ARHGAP24: variants seen among roughly 807,000 people sequenced by gnomAD.
ARHGAP24 encodes the protein rho GTPase-activating protein 24.
A neutral mutation model predicts 76.4 loss-of-function variants in ARHGAP24; 50 were observed. That is an observed-to-expected ratio of 0.65 (90% CI 0.52 to 0.83). The LOEUF is 0.83. Among genes scored for constraint, ARHGAP24 ranks in the 40% least tolerant of loss-of-function variants. The probability of loss-of-function intolerance (pLI) is 0.00; values close to 1 mark genes in which losing one functional copy is unlikely to be tolerated. For synonymous variants in ARHGAP24, 345 were observed against 323.3 expected, an observed-to-expected ratio of 1.07 and a Z score of -0.72; for missense variants, 930 against 914.2, an observed-to-expected ratio of 1.02 and a Z score of -0.22.
At chr4:85,559,900 G>A (rs1051806354) in intron 1 of ARHGAP24, among the ~76,000 whole-genome samples, 2 of 152,090 alleles carry the variant, frequency 1.3e-5, no homozygotes, top group Non-Finnish European at 2.9e-5. Flanking sequence ...AAGCACTGGA[G>A]TTTCTATTTG....
At chr4:85,692,210 A>T (rs1373255587) in intron 2 of ARHGAP24, among the ~76,000 whole-genome samples, 1 of 152,182 alleles carries the variant, frequency 6.6e-6, no homozygotes, top group African/African-American at 2.4e-5. Context: ...CTAGCCTGAC[A>T]GGGTTCCCTC....
chr4:85,916,066 A>C (rs953400312), intron 3 of ARHGAP24, among the ~76,000 whole-genome samples: 1 of 152,098 alleles, frequency 6.6e-6, no homozygotes, highest in African/African-American at 2.4e-5. Flanking sequence ...ATTTCTCTAC[A>C]TCCTCTCTAG....
At chr4:85,861,002 A>ACG (rs1731866785) in intron 3 of ARHGAP24, among the ~76,000 whole-genome samples, 1 of 122,732 alleles carries the variant, frequency 8.1e-6, no homozygotes, top group Non-Finnish European at 1.6e-5. Flanking sequence ...GCATGCACGC[A>ACG]CACACACACA....
chr4:85,960,965 A>G (rs1738208685), intron 5 of ARHGAP24, among the ~76,000 whole-genome samples: 1 of 152,172 alleles, frequency 6.6e-6, no homozygotes, highest in African/African-American at 2.4e-5. Context: ...TAACAAAGCA[A>G]TAATAACAAG....
At chr4:85,500,244 T>C (rs1048185945) in intron 1 of ARHGAP24, among the ~76,000 whole-genome samples, 4 of 152,234 alleles carry the variant, frequency 2.6e-5, no homozygotes, top group Non-Finnish European at 5.9e-5. Flanking sequence ...TTCTATTATA[T>C]TCCTATGGGA....
intron 3 of ARHGAP24, among the ~76,000 whole-genome samples, chr4:85,920,021 G>A (rs777267046): frequency 1.3e-5 from 2 of 152,138 alleles, no homozygotes; most frequent in Non-Finnish European, 2.9e-5. Context: ...ATGTTTACAT[G>A]TGCGGTATGT....
intron 3 of ARHGAP24, 73 bp from the exon 4 acceptor site, chr4:85,923,575 G>T: frequency 6.2e-7 from 1 of 1,601,126 alleles, no homozygotes. Context: ...TCTGTTTCAG[G>T]GGTTCTTCTG....
chr4:85,614,258 T>A (rs550614391), intron 2 of ARHGAP24, among the ~76,000 whole-genome samples: 1 of 152,290 alleles, frequency 6.6e-6, no homozygotes, highest in East Asian at 1.9e-4. Flanking sequence ...TGGCATCTGA[T>A]CTCTACCATT....
intron 2 of ARHGAP24, among the ~76,000 whole-genome samples, chr4:85,685,135 T>G (rs1168727721): frequency 7.2e-5 from 11 of 152,238 alleles, no homozygotes; most frequent in African/African-American, 2.7e-4. Context: ...TATCCAAACA[T>G]TCTTATATGC....
intron 1 of ARHGAP24, among the ~76,000 whole-genome samples, chr4:85,555,493 CTCTTGCTT>C (rs2110132001): frequency 6.6e-6 from 1 of 152,310 alleles, no homozygotes; most frequent in African/African-American, 2.4e-5. Context: ...AGTAGGTAGG[CTCTTGCTT>C]AGTCACTTCA....
chr4:85,910,979 G>C (rs962488979), intron 3 of ARHGAP24, among the ~76,000 whole-genome samples: 1 of 152,146 alleles, frequency 6.6e-6, no homozygotes, highest in Non-Finnish European at 1.5e-5. Context: ...ACTTTGCTCT[G>C]AGATCGGAGT....
chr4:85,911,110 G>C (rs1171366299), intron 3 of ARHGAP24, among the ~76,000 whole-genome samples: 2 of 152,206 alleles, frequency 1.3e-5, no homozygotes. Flanking sequence ...GCTGCAGTTT[G>C]GATGGCTGCA....
At chr4:85,866,279 A>G (rs562139935) in intron 3 of ARHGAP24, among the ~76,000 whole-genome samples, 1 of 152,280 alleles carries the variant, frequency 6.6e-6, no homozygotes, top group Non-Finnish European at 1.5e-5. Flanking sequence ...AGAAACCTAG[A>G]ATAACTTCTC....
chr4:85,647,978 G>A (rs1051315825), intron 2 of ARHGAP24, among the ~76,000 whole-genome samples: 1 of 152,082 alleles, frequency 6.6e-6, no homozygotes, highest in Non-Finnish European at 1.5e-5. Context: ...TGCTGTACCA[G>A]CAATCCTTAG....
At chr4:85,909,770 G>T (rs1246651413) in intron 3 of ARHGAP24, among the ~76,000 whole-genome samples, 1 of 152,206 alleles carries the variant, frequency 6.6e-6, no homozygotes, top group African/African-American at 2.4e-5. Context: ...TAATGAGGGT[G>T]TCTAGAAAAT....
intron 2 of ARHGAP24, among the ~76,000 whole-genome samples, chr4:85,718,586 T>G (rs1724817554): frequency 6.6e-6 from 1 of 152,108 alleles, no homozygotes. Flanking sequence ...TACAATGTGA[T>G]CAAGTTAGCT....
chr4:85,667,483 C>T (rs1449744637), intron 2 of ARHGAP24, among the ~76,000 whole-genome samples: 1 of 152,154 alleles, frequency 6.6e-6, no homozygotes, highest in Middle Eastern at 3.2e-3. Context: ...TGCTTTGGCT[C>T]ACACACAATG....
rs138608426 is a variant in ARHGAP24 at position 85,836,054 on chromosome 4, T to TCATTATTGA, written c.269-87591_269-87583dup. Among the ~76,000 whole-genome samples, 1,082 of 152,326 alleles carry TCATTATTGA rather than the reference T, an allele frequency of 7.1e-3. 7 individuals are homozygous for TCATTATTGA. Among genetic ancestry groups the TCATTATTGA allele is most frequent in the Middle Eastern group, 0.024 (7 of 294 alleles). ...AGTGCTGGCAATCTATGACAGCATG[T>TCATTATTGA]CATTATTGACACCTGCAGTGACAGT... On this transcript the variant is annotated intron_variant, in intron 3 of 9. Coordinates refer to ENST00000395184, the MANE Select transcript of ARHGAP24 (RefSeq NM_001025616.3).
chr4:85,929,556 G>A (rs904465271), intron 4 of ARHGAP24, among the ~76,000 whole-genome samples: 1 of 152,158 alleles, frequency 6.6e-6, no homozygotes, highest in Non-Finnish European at 1.5e-5. Context: ...GGGGGCTGGG[G>A]TGCAGAAAGT....
Sources: allele counts gnomAD v4.1 joint callset (sites outside exome capture counted in the v4.1 genomes callset), GRCh38; gene constraint gnomAD v4.1.1; transcripts MANE v1.5; gene names NCBI Gene and HGNC (gene_info 2026-07-23, HGNC 2026-07-21).